Variants in NKIRAS1 observed in about 807,000 individuals in gnomAD.
NKIRAS1 encodes NFKB inhibitor interacting Ras like 1, also known as NF-kappa-B inhibitor-interacting Ras-like protein 1.
A neutral mutation model predicts 19.8 loss-of-function variants in NKIRAS1; 16 were observed. The ratio of observed to expected loss-of-function variants is 0.81; its 90% CI spans 0.55 to 1.23. NKIRAS1 has a LOEUF of 1.23. Ranked by LOEUF, NKIRAS1 falls within the 50% of genes most tolerant of loss-of-function variation. The pLI is 0.00. For synonymous variants in NKIRAS1, 88 were observed against 79.0 expected, an observed-to-expected ratio of 1.11 and a Z score of -0.61; for missense variants, 184 against 220.0, an observed-to-expected ratio of 0.84 and a Z score of 1.04.
chr3:23,917,834 C>A, upstream of NKIRAS1: 1 of 1,602,542 alleles, frequency 6.2e-7, no homozygotes, highest in Non-Finnish European at 8.5e-7. Flanking sequence ...ATTTAATACA[C>A]AGTTTGATTT....
intron 1 of NKIRAS1, among the ~76,000 whole-genome samples, chr3:23,938,949 C>T (rs10865791): frequency 0.64 from 97,569 of 152,068 alleles, 31,516 homozygotes; most frequent in Middle Eastern, 0.73. Flanking sequence ...GGGAAGTGCC[C>T]AGCTAGCTCC....
chr3:23,939,174 C>T (rs1221797076), intron 1 of NKIRAS1, among the ~76,000 whole-genome samples: 6 of 152,206 alleles, frequency 3.9e-5, no homozygotes, highest in Admixed American at 3.3e-4. Context: ...GAAAACAATT[C>T]TATCAGTGAG....
rs1348216822 is a variant in NKIRAS1, at chr3:23,946,002, C to T, written c.-140+321G>A. ...GCTCGGCTCCCTGACCCACATTCCC[C>T]GGGGCCGCAGGGACACGTGGGGGCG... On this transcript the variant is annotated intron_variant, in intron 1 of 4. Coordinates refer to the NKIRAS1 transcript ENST00000421515. The T allele has an allele frequency of 1.1e-5, 7 of 666,314 alleles. No homozygotes were observed. The East Asian group carries it at 5.4e-4, about 52-fold the overall frequency. 41.3% of individuals were successfully genotyped at this position (666,314 alleles called of 1,614,324 possible). A position where few individuals can be genotyped will look rare whatever the true frequency, so the allele number is the denominator to read the frequency against.
chr3:23,936,528 G>C (rs1029958132), intron 1 of NKIRAS1, among the ~76,000 whole-genome samples: 1 of 152,078 alleles, frequency 6.6e-6, no homozygotes, highest in Non-Finnish European at 1.5e-5. Context: ...ATCTGAGGTA[G>C]AGCCCGAAAA....
intron 1 of NKIRAS1, chr3:23,916,267 T>C (rs1704399898): frequency 1.3e-5 from 2 of 151,870 alleles, no homozygotes; most frequent in South Asian, 4.1e-4. Flanking sequence ...CAAGTGAAAA[T>C]ATTCTGGAGA....
At chr3:23,946,340 G>A (rs1484567284) in exon 1 of NKIRAS1, 14 of 974,214 alleles carry the variant, frequency 1.4e-5, no homozygotes, top group Non-Finnish European at 1.7e-5. Flanking sequence ...ATTCCGAGGA[G>A]GAAGTGCAGG....
upstream of NKIRAS1, chr3:23,919,152 A>G (rs1222605520): frequency 8.9e-6 from 12 of 1,347,756 alleles, no homozygotes; most frequent in Non-Finnish European, 2.1e-6. Context: ...TTGCTGCTAT[A>G]GGCAATGTGG....
In NKIRAS1 at chr3:23,892,239, AAAC is replaced by A. The variant is rs958302541; in HGVS notation, c.*853_*855del. 2.0e-5 allele frequency: 3 copies of A among 152,224 alleles called. No individual in the cohort carries two copies. The highest frequency in any genetic ancestry group is 7.2e-5 in the African/African-American group (3 of 41,462). The allele number at this position is 152,224 out of a possible 1,614,324, so 9.4% of individuals were successfully genotyped here. A position where few individuals can be genotyped will look rare whatever the true frequency, so the allele number is the denominator to read the frequency against. On this transcript the variant is annotated 3_prime_UTR_variant, in exon 5 of 5. Transcript: ENST00000425478. ...TTGAGTCTTGCCAAAATCTTTAGAG[AAAC>A]AACACAAACTCAGACATCTAAGTCA... is the stretch of plus-strand genomic sequence containing the variant.
intron 1 of NKIRAS1, among the ~76,000 whole-genome samples, chr3:23,928,715 G>A (rs969278828): frequency 2.7e-4 from 41 of 150,704 alleles, no homozygotes; most frequent in Non-Finnish European, 5.6e-4. Context: ...AAAAAGGCCG[G>A]GCGCTGTGAC....
chr3:23,944,437 T>C (rs113828163), intron 1 of NKIRAS1, among the ~76,000 whole-genome samples: 109 of 152,044 alleles, frequency 7.2e-4, no homozygotes, highest in African/African-American at 1.4e-3. Flanking sequence ...TCAGCCCATC[T>C]TACTTCAGTA....
At chr3:23,944,951 C>G (rs1433295630) in intron 1 of NKIRAS1, among the ~76,000 whole-genome samples, 1 of 151,874 alleles carries the variant, frequency 6.6e-6, no homozygotes, top group Non-Finnish European at 1.5e-5. Context: ...TAAGAGCCAC[C>G]AGGTTGGGGG....
chr3:23,933,970 A>G (rs955509749), intron 1 of NKIRAS1, among the ~76,000 whole-genome samples: 7 of 152,196 alleles, frequency 4.6e-5, no homozygotes, highest in African/African-American at 1.7e-4. Flanking sequence ...TGTGGCTAAT[A>G]TCATTCATGA....
intron 3 of NKIRAS1, among the ~76,000 whole-genome samples, chr3:23,909,854 G>T (rs9818742): frequency 0.2 from 26,523 of 132,898 alleles, 2,560 homozygotes; most frequent in Non-Finnish European, 0.22. Flanking sequence ...AGTTGTTTTT[G>T]TTTTTTTTTG....
At chr3:23,925,001 G>A (rs555291343) in intron 1 of NKIRAS1, among the ~76,000 whole-genome samples, 1 of 152,314 alleles carries the variant, frequency 6.6e-6, no homozygotes, top group South Asian at 2.1e-4. Context: ...ATTGCGAGGT[G>A]TCCATGGCAG....
chr3:23,904,455 C>T (rs529380388), intron 3 of NKIRAS1, among the ~76,000 whole-genome samples: 2 of 152,302 alleles, frequency 1.3e-5, no homozygotes, highest in Non-Finnish European at 2.9e-5. Context: ...GCACTCCCTT[C>T]AACCTCAAGC....
Position 23,926,146 on chromosome 3 carries a change from G to A in NKIRAS1, c.-139-14696C>T, listed in dbSNP as rs780525214. Among the ~76,000 whole-genome samples the A allele has an allele frequency of 6.6e-6, 1 of 152,138 alleles. No homozygotes were observed. Among genetic ancestry groups the A allele is most frequent in the African/African-American group, 2.4e-5 (1 of 41,416 alleles). On this transcript the variant is annotated intron_variant, in intron 1 of 4. Coordinates refer to the NKIRAS1 transcript ENST00000421515. The surrounding 1 kb of genome is among the most constrained non-coding windows in gnomAD (Gnocchi z 4.3). ...GCTCACTGTAACCTCTGCCTCCCAGGTTCAAGCAATTCTCCCTGCCTCAGC... is the reference window on the plus strand; with the variant it reads ...GCTCACTGTAACCTCTGCCTCCCAGATTCAAGCAATTCTCCCTGCCTCAGC...
intron 1 of NKIRAS1, among the ~76,000 whole-genome samples, chr3:23,935,131 C>T (rs1705371424): frequency 6.6e-6 from 1 of 151,966 alleles, no homozygotes; most frequent in Non-Finnish European, 1.5e-5. Flanking sequence ...ATGGATCCTC[C>T]TGCCTCGTGA....
chr3:23,939,429 C>A (rs887839209), intron 1 of NKIRAS1, among the ~76,000 whole-genome samples: 5 of 152,038 alleles, frequency 3.3e-5, no homozygotes, highest in African/African-American at 1.2e-4. Flanking sequence ...AAAGAAAAAG[C>A]ACAAATAAAT....
chr3:23,906,027 C>T (rs1229084781), intron 3 of NKIRAS1, among the ~76,000 whole-genome samples: 6 of 151,882 alleles, frequency 4.0e-5, no homozygotes, highest in East Asian at 1.9e-4. Flanking sequence ...GGCATGATGG[C>T]GCATGACCGT....
Sources: allele counts gnomAD v4.1 joint callset (sites outside exome capture counted in the v4.1 genomes callset), GRCh38; gene constraint gnomAD v4.1.1; non-coding constraint Gnocchi (gnomAD v3.1); transcripts MANE v1.5; gene names NCBI Gene and HGNC (gene_info 2026-07-23, HGNC 2026-07-21).